The following ANO4 variants were observed in gnomAD, a reference collection of about 807,000 sequenced individuals.
ANO4 encodes anoctamin 4, also known as anoctamin-4.
ANO4 carries 69 observed loss-of-function variants against 141.9 expected under a neutral mutation model. The observed-to-expected ratio is 0.49, with a 90% CI of 0.40 to 0.59. The LOEUF is 0.59. Ranked by LOEUF, ANO4 falls within the 20% of genes least tolerant of loss-of-function variation. The probability of loss-of-function intolerance (pLI) is 0.00; values close to 1 mark genes in which losing one functional copy is unlikely to be tolerated. For synonymous variants in ANO4, 350 were observed against 394.3 expected (o/e 0.89, Z 1.33); for missense variants, 894 against 1,162.2 (o/e 0.77, Z 3.36).
chr12:100,844,145 A>C lies in ANO4; in HGVS notation c.-141+49118A>C, dbSNP rs2037435463. On this transcript the variant is annotated intron_variant, in intron 1 of 27. Transcript: ENST00000392977. ...TACAGGAGGGGATTAGATTTAAGCA[A>C]GAGAATAAGCCAGAAAGATAATTTC... 3.3e-5 allele frequency among the ~76,000 whole-genome samples: 5 copies of C among 152,234 alleles called. No homozygotes were observed. In the South Asian group the frequency reaches 1.0e-3, roughly 32 times the overall value.
intron 14 of ANO4, among the ~76,000 whole-genome samples, chr12:101,064,620 C>G (rs1232475957): frequency 1.3e-5 from 2 of 151,232 alleles, no homozygotes; most frequent in African/African-American, 4.9e-5. Flanking sequence ...ACCTGTGTAA[C>G]AAACCTGCAC....
chr12:101,066,638 TC>T (rs1244084181), intron 14 of ANO4: 10 of 575,770 alleles, frequency 1.7e-5, no homozygotes, highest in Non-Finnish European at 3.1e-5. Context: ...TGGGAGAGTA[TC>T]CATGGCTTTG....
At chr12:100,910,159 G>C (rs1270196609) in intron 2 of ANO4, among the ~76,000 whole-genome samples, 1 of 152,128 alleles carries the variant, frequency 6.6e-6, no homozygotes, top group Non-Finnish European at 1.5e-5. Flanking sequence ...TAAATAATTG[G>C]TGTAGAATGT....
chr12:100,742,235 G>A (rs1406222042), intron 3 of ANO4, among the ~76,000 whole-genome samples: 1 of 152,046 alleles, frequency 6.6e-6, no homozygotes, highest in African/African-American at 2.4e-5. Context: ...TATAGTTTTT[G>A]TAAGTCTCGA....
At chr12:100,874,524 A>T (rs565061934) in intron 1 of ANO4, among the ~76,000 whole-genome samples, 24 of 151,882 alleles carry the variant, frequency 1.6e-4, no homozygotes, top group Non-Finnish European at 3.2e-4. Context: ...TTTATTTTTT[A>T]TTTTTATTTT....
intron 22 of ANO4, among the ~76,000 whole-genome samples, chr12:101,101,666 C>T (rs1427930320): frequency 1.3e-5 from 2 of 151,330 alleles, no homozygotes; most frequent in South Asian, 2.1e-4. Context: ...AAAGCAAAGC[C>T]TCTGCCAAGC....
intron 1 of ANO4, among the ~76,000 whole-genome samples, chr12:100,877,108 A>G (rs976499140): frequency 1.3e-5 from 2 of 152,150 alleles, no homozygotes; most frequent in African/African-American, 4.8e-5. Flanking sequence ...GATGATTGCC[A>G]GGGGCTGAGG....
rs567050595 is a variant in ANO4, at chr12:100,739,862, G to A, written c.115G>A (p.Val39Ile). The change falls in exon 3 of 30, where the codon GTT (valine) becomes ATT (isoleucine). Residue 39 changes from valine (V) to isoleucine (I), a missense_variant. By Grantham distance (29) the Val-to-Ile change is conservative. Transcript: ENST00000644049. ...TATGTTTATCTCACCAGGTTATGAC[G>A]TTGCGGGGCCTGTGGCAATTGGGCT... 1.5e-4 allele frequency: 104 copies of A among 702,468 alleles called. 1 individual carries two copies. The highest frequency in any genetic ancestry group is 1.3e-3 in the South Asian group (88 of 67,542). 43.5% of individuals were successfully genotyped at this position (702,468 alleles called of 1,614,324 possible).
Position 101,094,391 on chromosome 12 carries a change from T to C in ANO4, c.1738+99T>C. On this transcript the variant is annotated intron_variant, in intron 18 of 27. Transcript: ENST00000392977. The stretch of plus-strand genomic sequence containing the variant: ...AATACTGCTGGAAAGAAATAGTCCC[T>C]TTATTTTAAAATTCATACAACAAGT... The C allele has an allele frequency of 3.1e-6, 3 of 955,636 alleles. No individual in the cohort carries two copies. The South Asian group carries it at 6.7e-5, about 21-fold the overall frequency. The allele number at this position is 955,636 out of a possible 1,614,324, so 59.2% of individuals were successfully genotyped here.
intron 8 of ANO4, among the ~76,000 whole-genome samples, chr12:100,993,240 T>C (rs911575761): frequency 6.6e-6 from 1 of 152,160 alleles, no homozygotes; most frequent in Admixed American, 6.5e-5. Flanking sequence ...TTTGAAAATA[T>C]ATCTGTATTT....
chr12:100,922,219 T>C lies in ANO4; in HGVS notation c.56-7T>C. On this transcript the variant is annotated splice_polypyrimidine_tract_variant and splice_region_variant and intron_variant, in intron 2 of 27. Coordinates refer to ENST00000392977, the MANE Select transcript of ANO4 (RefSeq NM_001286615.2). ...GCAAACTCCATGAATATCTTTCATTTCTCTAGAAGGAGGTGTGGATTTGCA... is the reference window on the plus strand; with the variant it reads ...GCAAACTCCATGAATATCTTTCATTCCTCTAGAAGGAGGTGTGGATTTGCA... The C allele has an allele frequency of 1.3e-6, 2 of 1,524,572 alleles. No homozygotes were observed. The highest frequency in any genetic ancestry group is 1.8e-6 in the Non-Finnish European group (2 of 1,142,252). 94.4% of individuals were successfully genotyped at this position (1,524,572 alleles called of 1,614,324 possible).
chr12:100,809,387 A>T, intron 1 of ANO4, among the ~76,000 whole-genome samples: 1 of 44,794 alleles, frequency 2.2e-5, no homozygotes, highest in Admixed American at 3.2e-4. Context: ...ATTCTGTCTC[A>T]AAAAAAAAAA....
chr12:101,094,408 AC>A, intron 18 of ANO4, 116 bp downstream of exon 18: 1 of 790,488 alleles, frequency 1.3e-6, no homozygotes, highest in Non-Finnish European at 1.9e-6. Flanking sequence ...TAAAATTCAT[AC>A]AACAAGTTTT....
intron 14 of ANO4, among the ~76,000 whole-genome samples, chr12:101,070,279 A>G (rs2048757061): frequency 6.6e-6 from 1 of 152,144 alleles, no homozygotes; most frequent in Admixed American, 6.5e-5. Context: ...CTGTAGATCT[A>G]TAGTAACCAA....
intron 9 of ANO4, among the ~76,000 whole-genome samples, chr12:101,026,974 TCA>T (rs1593053797): frequency 6.6e-6 from 1 of 152,078 alleles, no homozygotes; most frequent in East Asian, 1.9e-4. Context: ...ACAGAAGTGA[TCA>T]GAGGCTCCCA....
chr12:101,078,734 G>T (rs1164449342), intron 14 of ANO4, among the ~76,000 whole-genome samples: 1 of 152,104 alleles, frequency 6.6e-6, no homozygotes, highest in Non-Finnish European at 1.5e-5. Context: ...TCAAATACAT[G>T]TGAACTGCCA....
At chr12:100,996,354 A>C (rs2136376653) in intron 8 of ANO4, among the ~76,000 whole-genome samples, 2 of 152,296 alleles carry the variant, frequency 1.3e-5, no homozygotes, top group South Asian at 4.1e-4. Flanking sequence ...CTAACAATGG[A>C]AATGTTGGTG....
intron 14 of ANO4, among the ~76,000 whole-genome samples, chr12:101,053,788 C>T (rs1449487651): frequency 1.3e-5 from 2 of 152,226 alleles, no homozygotes; most frequent in Non-Finnish European, 2.9e-5. Context: ...TGAGGGGACA[C>T]AGTTCAACCC....
chr12:100,863,692 T>C (rs1457639305), intron 1 of ANO4, among the ~76,000 whole-genome samples: 1 of 152,202 alleles, frequency 6.6e-6, no homozygotes, highest in East Asian at 1.9e-4. Flanking sequence ...TTAACAATAA[T>C]TGTGGCAATT....
Sources: allele counts gnomAD v4.1 joint callset (sites outside exome capture counted in the v4.1 genomes callset), GRCh38; gene constraint gnomAD v4.1.1; transcripts MANE v1.5; gene names NCBI Gene and HGNC (gene_info 2026-07-23, HGNC 2026-07-21).